CDH13: variants seen among roughly 807,000 people sequenced by gnomAD.
The protein encoded by CDH13 is cadherin-13.
CDH13 carries 24 observed loss-of-function variants against 63.8 expected under a neutral mutation model. The ratio of observed to expected loss-of-function variants is 0.38; its 90% CI spans 0.27 to 0.53. CDH13 has a LOEUF of 0.53. Ranked by LOEUF, CDH13 falls within the 20% of genes least tolerant of loss-of-function variation. The probability of loss-of-function intolerance (pLI) is 0.85; values close to 1 mark genes in which losing one functional copy is unlikely to be tolerated. For synonymous variants in CDH13, 503 were observed against 355.3 expected (o/e 1.42, Z -4.67); for missense variants, 1,049 against 903.1 (o/e 1.16, Z -2.07).
chr16:83,550,741 T>C (rs1457275899), intron 7 of CDH13, among the ~76,000 whole-genome samples: 1 of 152,154 alleles, frequency 6.6e-6, no homozygotes, highest in Non-Finnish European at 1.5e-5. Context: ...TGCTGACACA[T>C]AGTGGCCATT....
At chr16:83,425,581 C>T (rs1344447976) in intron 6 of CDH13, among the ~76,000 whole-genome samples, 2 of 152,202 alleles carry the variant, frequency 1.3e-5, no homozygotes, top group African/African-American at 2.4e-5. Flanking sequence ...TAATTCCTCT[C>T]CCTTCCCCTC....
At chr16:82,850,269 T>C (rs2039429287) in intron 1 of CDH13, among the ~76,000 whole-genome samples, 1 of 152,152 alleles carries the variant, frequency 6.6e-6, no homozygotes, top group African/African-American at 2.4e-5. Flanking sequence ...GTTTAGAAGA[T>C]GTTGATTTCA....
At chr16:83,387,009 T>C (rs1370169365) in intron 6 of CDH13, among the ~76,000 whole-genome samples, 1 of 152,198 alleles carries the variant, frequency 6.6e-6, no homozygotes, top group Non-Finnish European at 1.5e-5. Flanking sequence ...TTAGCCAGAA[T>C]TGTGTTATAT....
chr16:83,582,151 G>A (rs1403960436), intron 7 of CDH13, among the ~76,000 whole-genome samples: 1 of 152,162 alleles, frequency 6.6e-6, no homozygotes, highest in Non-Finnish European at 1.5e-5. Context: ...CAGGGTCCCA[G>A]GATCCTTGGC....
At chr16:83,791,314 T>A (rs576695832) in intron 13 of CDH13, among the ~76,000 whole-genome samples, 4 of 152,042 alleles carry the variant, frequency 2.6e-5, no homozygotes, top group Admixed American at 2.0e-4. Flanking sequence ...CTGACCAACA[T>A]GGTGAAACTC....
chr16:82,985,199 A>G (rs1910780608), intron 2 of CDH13, among the ~76,000 whole-genome samples: 1 of 152,240 alleles, frequency 6.6e-6, no homozygotes, highest in Admixed American at 6.5e-5. Context: ...TTCAGGATGC[A>G]CAGGTGTCCA....
At chr16:83,057,076 C>G (rs974076324) in intron 3 of CDH13, among the ~76,000 whole-genome samples, 1 of 152,154 alleles carries the variant, frequency 6.6e-6, no homozygotes, top group Non-Finnish European at 1.5e-5. Flanking sequence ...AAGTGATTCT[C>G]CTGCCTCAGC....
intron 1 of CDH13, among the ~76,000 whole-genome samples, chr16:82,724,628 G>C (rs914875117): frequency 6.8e-6 from 1 of 147,518 alleles, no homozygotes; most frequent in Non-Finnish European, 1.5e-5. Context: ...AGTTCACACT[G>C]TATGTGTGTG....
At chr16:83,048,971 C>G (rs1281525844) in intron 3 of CDH13, among the ~76,000 whole-genome samples, 2 of 152,184 alleles carry the variant, frequency 1.3e-5, no homozygotes, top group Non-Finnish European at 2.9e-5. Context: ...CTGTCCTCAA[C>G]ATTTTGGTGA....
Position 83,745,749 on chromosome 16 carries a change from T to G in CDH13, c.1539-2359T>G, listed in dbSNP as rs530566759. ...TTTAAGTCATGGACAAGGGCAGTTC[T>G]TCTTCTCCTTGGCCACACAGGAGGC... On this transcript the variant is annotated intron_variant, in intron 10 of 13. Coordinates refer to ENST00000567109, the MANE Select transcript of CDH13 (RefSeq NM_001257.5). 3.3e-5 allele frequency among the ~76,000 whole-genome samples: 5 copies of G among 152,312 alleles called. No homozygotes were observed. In the South Asian group the frequency reaches 1.0e-3, roughly 32 times the overall value.
intron 1 of CDH13, among the ~76,000 whole-genome samples, chr16:82,793,382 A>G (rs201771650): frequency 8.9e-5 from 4 of 44,944 alleles, no homozygotes; most frequent in South Asian, 6.5e-4. Flanking sequence ...AAAGGGAGGG[A>G]AAAAAAAAAT....
At chr16:83,647,277 C>T (rs1598409799) in intron 8 of CDH13, among the ~76,000 whole-genome samples, 1 of 147,866 alleles carries the variant, frequency 6.8e-6, no homozygotes, top group African/African-American at 2.5e-5. Flanking sequence ...GCCACTACTG[C>T]ACTCCAGCCT....
chr16:82,973,194 T>C (rs1909018218), intron 2 of CDH13, among the ~76,000 whole-genome samples: 1 of 152,260 alleles, frequency 6.6e-6, no homozygotes, highest in Non-Finnish European at 1.5e-5. Context: ...ACGTTCACTC[T>C]GCATTTTCAT....
chr16:83,072,846 T>G (rs1466970379), intron 3 of CDH13, among the ~76,000 whole-genome samples: 2 of 152,182 alleles, frequency 1.3e-5, no homozygotes, highest in Non-Finnish European at 2.9e-5. Flanking sequence ...CAAGATCCCC[T>G]ACATTGGAGG....
intron 1 of CDH13, among the ~76,000 whole-genome samples, chr16:82,721,127 C>T (rs370533762): frequency 6.6e-6 from 1 of 152,190 alleles, no homozygotes; most frequent in Non-Finnish European, 1.5e-5. Context: ...CATTCCTCTC[C>T]TTGATTTAAC....
chr16:82,707,019 G>A (rs953579613), intron 1 of CDH13, among the ~76,000 whole-genome samples: 6 of 152,196 alleles, frequency 3.9e-5, no homozygotes, highest in African/African-American at 7.2e-5. Flanking sequence ...AGTTAAATCA[G>A]GGGCTGTCAC....
rs137947863 is a variant in CDH13 at position 82,752,166 on chromosome 16, C to T, written c.46-106196C>T. ...CCTGGGACAATCAATACATGAGCCT[C>T]CTTTCCACCAAATTCTCTTCTCATT... On this transcript the variant is annotated intron_variant, in intron 1 of 13. Transcript: ENST00000567109. Among the ~76,000 whole-genome samples, 8 of 152,330 alleles carry T rather than the reference C, an allele frequency of 5.3e-5. 1 individual carries two copies. The South Asian group carries it at 1.5e-3, about 28-fold the overall frequency.
chr16:83,422,413 A>T (rs1228695630), intron 6 of CDH13, among the ~76,000 whole-genome samples: 1 of 152,224 alleles, frequency 6.6e-6, no homozygotes, highest in African/African-American at 2.4e-5. Flanking sequence ...TAAGTTGGAC[A>T]CTGGTCTCAG....
At chr16:82,699,360 T>C (rs1248975016) in intron 1 of CDH13, among the ~76,000 whole-genome samples, 3 of 152,122 alleles carry the variant, frequency 2.0e-5, no homozygotes, top group Admixed American at 6.6e-5. Context: ...TTCAGCTCCA[T>C]CCTCCTGAGA....
Sources: gnomAD v4.1 joint callset for allele counts (sites outside exome capture counted in the v4.1 genomes callset) on GRCh38, gnomAD v4.1.1 for gene constraint, MANE v1.5 for transcripts, NCBI Gene and HGNC (gene_info 2026-07-23, HGNC 2026-07-21) for gene names.